The following FZR1 variants were observed in gnomAD, a reference collection of about 807,000 sequenced individuals.
FZR1 encodes fizzy-related protein homolog.
Under a neutral mutation model 63.6 loss-of-function variants are expected in FZR1, and 11 were observed. The observed-to-expected ratio is 0.17, with a 90% CI of 0.11 to 0.29. The LOEUF is 0.29. Ranked by LOEUF, FZR1 falls within the 10% of genes least tolerant of loss-of-function variation. The probability of loss-of-function intolerance (pLI) is 1.00; values close to 1 mark genes in which losing one functional copy is unlikely to be tolerated. For synonymous variants in FZR1, 328 were observed against 297.9 expected, an observed-to-expected ratio of 1.10 and a Z score of -1.04; for missense variants, 440 against 687.5, an observed-to-expected ratio of 0.64 and a Z score of 4.03.
intron 1 of FZR1, among the ~76,000 whole-genome samples, chr19:3,520,844 T>C (rs1007644020): frequency 1.3e-5 from 2 of 152,238 alleles, no homozygotes; most frequent in Admixed American, 1.3e-4. Context: ...CAAACCCGCA[T>C]GGGTCTGTCC....
Position 3,534,441 on chromosome 19 carries a change from G to A in FZR1, c.1368G>A (p.Glu456=). The A allele has an allele frequency of 6.2e-7, 1 of 1,605,618 alleles. No homozygotes were observed. Among genetic ancestry groups the A allele is most frequent in the Non-Finnish European group, 8.5e-7 (1 of 1,174,702 alleles). Reference sequence around the variant, plus strand: ...CACAGGCAATGTCCCCTGATGGGGAGGCCATCGTCACTGGTGCTGGAGACG... The same window carrying A: ...CACAGGCAATGTCCCCTGATGGGGAAGCCATCGTCACTGGTGCTGGAGACG... The part of the protein sequence containing the change: ...VLYLAMSPDG[E]AIVTGAGDET... Residue 456 remains glutamate, a synonymous_variant, in exon 13 of 14, where the codon GAG becomes GAA. Transcript: ENST00000441788.
At position 3,531,724 on chromosome 19, in the gene FZR1, T is replaced by C. The variant is rs913563071; in HGVS notation, c.731T>C (p.Val244Ala). 2 of 1,549,024 alleles carry C rather than the reference T, an allele frequency of 1.3e-6. No homozygotes were observed. Among genetic ancestry groups the C allele is most frequent in the African/African-American group, 2.7e-5 (2 of 72,970 alleles). ...TGCCTTCCATCCTAGGGGAACCTGG[T>C]GGCGGTGGGCACACACAAGGGCTTC... ...SVGWSERGNL[V>A]AVGTHKGFVQ... is the part of the protein sequence containing the mutation. The change falls in exon 9 of 14, where the codon GTG (valine) becomes GCG (alanine). Residue 244 changes from valine (V) to alanine (A), a missense_variant. Coordinates refer to ENST00000441788, the MANE Select transcript of FZR1 (RefSeq NM_016263.4).
rs750516549 is a variant in FZR1 at position 3,533,266 on chromosome 19, C to T, written c.1243-28C>T. 3.6e-5 allele frequency: 51 copies of T among 1,426,572 alleles called. No individual in the cohort carries two copies. Among genetic ancestry groups the T allele is most frequent in the Admixed American group, 1.8e-4 (11 of 59,674 alleles). The allele number at this position is 1,426,572 out of a possible 1,614,324, so 88.4% of individuals were successfully genotyped here. A position where few individuals can be genotyped will look rare whatever the true frequency, so the allele number is the denominator to read the frequency against. ...AGCACCCGGCCTCGTTGCCCCTCAC[C>T]GACCGCAGCGCCCCCTCCGCCCTCC... On this transcript the variant is annotated intron_variant, in intron 11 of 13. Transcript: ENST00000441788. This position sits in a 1 kb window ranked among gnomAD's most constrained non-coding sequence, Gnocchi z 4.9.
intron 2 of FZR1, among the ~76,000 whole-genome samples, chr19:3,524,426 G>A (rs2083132695): frequency 6.6e-6 from 1 of 152,346 alleles, no homozygotes; most frequent in Admixed American, 6.5e-5. Context: ...AGCACAGCCT[G>A]GACTTTATGA....
intron 1 of FZR1, among the ~76,000 whole-genome samples, chr19:3,517,815 A>G (rs2083069342): frequency 6.6e-6 from 1 of 151,982 alleles, no homozygotes; most frequent in South Asian, 2.1e-4. Flanking sequence ...TAAACAAAAA[A>G]GGGTCATCTG....
intron 13 of FZR1, 79 bp from the exon 14 acceptor site, chr19:3,534,716 C>G: frequency 1.5e-6 from 2 of 1,361,732 alleles, no homozygotes; most frequent in Non-Finnish European, 1.0e-6. Context: ...GACCAAGCCC[C>G]AAAGCCTTGG....
rs2083152938 is a variant in FZR1, at chr19:3,526,007, T to C, written c.195+14T>C. ...CACAGGATTAACGTGAGGGGCTGGC[T>C]GGGCAGGAGATGGGACCCCCCGGGA... On this transcript the variant is annotated intron_variant, in intron 3 of 13. Coordinates refer to ENST00000441788, the MANE Select transcript of FZR1 (RefSeq NM_016263.4). This position sits in a 1 kb window ranked among gnomAD's most constrained non-coding sequence, Gnocchi z 5.4. 1 of 1,611,596 alleles carries C rather than the reference T, an allele frequency of 6.2e-7. No homozygotes were observed. The highest frequency in any genetic ancestry group is 2.2e-5 in the East Asian group (1 of 44,840).
chr19:3,512,386 G>T (rs887812510), intron 1 of FZR1, among the ~76,000 whole-genome samples: 2 of 152,206 alleles, frequency 1.3e-5, no homozygotes, highest in African/African-American at 4.8e-5. Context: ...TCCTAGGCAG[G>T]CAGTGTTGTC....
At chr19:3,529,147 A>T (rs578002889) in intron 7 of FZR1, among the ~76,000 whole-genome samples, 1,818 of 45,084 alleles carry the variant, frequency 0.04, 65 homozygotes, top group East Asian at 0.13. Context: ...AGCGGATGGG[A>T]GAGCGGATGG....
Position 3,527,079 on chromosome 19 carries a change from T to C in FZR1, c.470+17T>C. ...CAACAAGAGGTGGGTCCCAGCTTCC[T>C]CCGCAGCCCTCCCTACTCCCTGTCT... On this transcript the variant is annotated intron_variant, in intron 6 of 13. Transcript: ENST00000441788. 1.3e-6 allele frequency: 2 copies of C among 1,543,098 alleles called. No individual in the cohort carries two copies. The highest frequency in any genetic ancestry group is 4.5e-5 in the East Asian group (2 of 44,568).
Position 3,522,945 on chromosome 19 carries a change from T to TC in FZR1, c.-34-8dup, listed in dbSNP as rs754762976. ...CTGCCCCACTCACCTCTCCTGCCCTTCCCGCTGCAGGCTAACCTTGCCGCG... is the reference window on the plus strand; with the variant it reads ...CTGCCCCACTCACCTCTCCTGCCCTTCCCCGCTGCAGGCTAACCTTGCCGCG... On this transcript the variant is annotated splice_polypyrimidine_tract_variant and intron_variant, in intron 1 of 13. Coordinates refer to ENST00000441788, the MANE Select transcript of FZR1 (RefSeq NM_016263.4). 1.4e-6 allele frequency: 2 copies of TC among 1,423,740 alleles called. No homozygotes were observed. The highest frequency in any genetic ancestry group is 2.8e-5 in the African/African-American group (2 of 71,250). The allele number at this position is 1,423,740 out of a possible 1,614,324, so 88.2% of individuals were successfully genotyped here.
chr19:3,521,785 C>T (rs1248992842), intron 1 of FZR1, among the ~76,000 whole-genome samples: 1 of 152,170 alleles, frequency 6.6e-6, no homozygotes, highest in Non-Finnish European at 1.5e-5. Flanking sequence ...CAGGCGTGAG[C>T]CACCGTGCCT....
In FZR1 at chr19:3,537,632, CGGGGGCTGCAGG is replaced by C. The variant is rs1305428443; in HGVS notation, c.*2799_*2810del. On this transcript the variant is annotated 3_prime_UTR_variant, in exon 14 of 14. Transcript: ENST00000441788. ...TGAGGGAGCCAGGAGGCCGGGGGGC[CGGGGGCTGCAGG>C]GGAGGCTGTGGGGGTCCTGGCAGCC... is the stretch of plus-strand genomic sequence containing the variant. 4.6e-5 allele frequency: 7 copies of C among 152,756 alleles called. No individual in the cohort carries two copies. Among genetic ancestry groups the C allele is most frequent in the Admixed American group, 1.3e-4 (2 of 15,294 alleles). 9.5% of individuals were successfully genotyped at this position (152,756 alleles called of 1,614,324 possible).
chr19:3,509,637 C>T (rs2083010522), intron 1 of FZR1, among the ~76,000 whole-genome samples: 1 of 152,202 alleles, frequency 6.6e-6, no homozygotes, highest in Non-Finnish European at 1.5e-5. Context: ...CAGCCGCCAC[C>T]ACCTGTCTCC....
At position 3,526,406 on chromosome 19, in the gene FZR1, C is replaced by A. The variant is rs200223586; in HGVS notation, c.387+20C>A. 2.1e-5 allele frequency: 32 copies of A among 1,548,582 alleles called. No individual in the cohort carries two copies. Among genetic ancestry groups the A allele is most frequent in the Middle Eastern group, 2.2e-4 (1 of 4,596 alleles). The stretch of plus-strand genomic sequence containing the variant: ...TTCACGGTAAGCCTGCGGCACCCCC[C>A]ACCCGGGAGCTGGCTCCCAGTGCAG... On this transcript the variant is annotated intron_variant, in intron 5 of 13. Transcript: ENST00000441788. This position sits in a 1 kb window ranked among gnomAD's most constrained non-coding sequence, Gnocchi z 5.4.
In FZR1 at chr19:3,533,224, T is replaced by A; in HGVS notation, c.1243-70T>A. 1 of 935,418 alleles carries A rather than the reference T, an allele frequency of 1.1e-6. No homozygotes were observed. The allele number at this position is 935,418 out of a possible 1,614,324, so 57.9% of individuals were successfully genotyped here. ...TCTCACATGGGCTCAGGCGGGTGCATGTGAGGCAGCAGGCATAGCACCCGG... is the reference window on the plus strand; with the variant it reads ...TCTCACATGGGCTCAGGCGGGTGCAAGTGAGGCAGCAGGCATAGCACCCGG... On this transcript the variant is annotated intron_variant, in intron 11 of 13. Coordinates refer to ENST00000441788, the MANE Select transcript of FZR1 (RefSeq NM_016263.4). The surrounding 1 kb of genome is among the most constrained non-coding windows in gnomAD (Gnocchi z 4.9).
At chr19:3,521,505 G>A (rs1456688977) in intron 1 of FZR1, among the ~76,000 whole-genome samples, 2 of 150,178 alleles carry the variant, frequency 1.3e-5, no homozygotes, top group Non-Finnish European at 2.9e-5. Flanking sequence ...TGAACTGTAC[G>A]CTTTTTTTTT....
chr19:3,521,434 G>GA (rs1245840564), intron 1 of FZR1: 1 of 152,164 alleles, frequency 6.6e-6, no homozygotes, highest in Non-Finnish European at 1.5e-5. Flanking sequence ...GGGAAGATGA[G>GA]AAAGTTCTAG....
intron 1 of FZR1, among the ~76,000 whole-genome samples, chr19:3,519,636 C>T (rs2083083794): frequency 6.6e-6 from 1 of 152,162 alleles, no homozygotes; most frequent in Non-Finnish European, 1.5e-5. Flanking sequence ...CCGATGTTTC[C>T]AGCTGTCCTC....
Sources: allele counts gnomAD v4.1 joint callset (sites outside exome capture counted in the v4.1 genomes callset), GRCh38; gene constraint gnomAD v4.1.1; non-coding constraint Gnocchi (gnomAD v3.1); transcripts MANE v1.5; gene names NCBI Gene and HGNC (gene_info 2026-07-23, HGNC 2026-07-21).